FSTL5: variants seen among roughly 807,000 people sequenced by gnomAD.
The protein encoded by FSTL5 is follistatin like 5, also known as follistatin-related protein 5.
In FSTL5, 62 loss-of-function variants were observed where a neutral mutation model predicts 89.1. That is an observed-to-expected ratio of 0.70 (90% CI 0.57 to 0.86). FSTL5 has a LOEUF of 0.86. FSTL5 is among the 40% of genes least tolerant of loss of function. The pLI, the probability that FSTL5 is intolerant of heterozygous loss-of-function variation, is 0.00. For missense variants in FSTL5, 1,057 were observed against 1,001.6 expected, an observed-to-expected ratio of 1.06 and a Z score of -0.75; for synonymous variants, 383 against 346.2, an observed-to-expected ratio of 1.11 and a Z score of -1.18.
intron 6 of FSTL5, among the ~76,000 whole-genome samples, chr4:161,727,787 A>C (rs944967515): frequency 9.9e-5 from 15 of 152,222 alleles, no homozygotes; most frequent in Non-Finnish European, 2.2e-4. Flanking sequence ...ACAAATAAAA[A>C]GTGTAAATAT....
chr4:162,157,411 CTT>C (rs1212141248), intron 1 of FSTL5, among the ~76,000 whole-genome samples: 1 of 151,902 alleles, frequency 6.6e-6, no homozygotes, highest in Admixed American at 6.6e-5. Flanking sequence ...TCCAGCAGAC[CTT>C]TGTAAATACA....
chr4:161,677,884 T>A (rs1013135914), intron 6 of FSTL5, among the ~76,000 whole-genome samples: 2 of 151,920 alleles, frequency 1.3e-5, no homozygotes, highest in Admixed American at 6.6e-5. Context: ...AATTAATGCA[T>A]ATATCTATTA....
intron 15 of FSTL5, among the ~76,000 whole-genome samples, chr4:161,407,640 G>GCA (rs1307268914): frequency 8.2e-6 from 1 of 121,594 alleles, no homozygotes; most frequent in Non-Finnish European, 1.9e-5. Context: ...GTTGCAGCAG[G>GCA]CACAGAGCCA....
chr4:161,786,711 C>T (rs1741918108), intron 4 of FSTL5, among the ~76,000 whole-genome samples: 1 of 152,106 alleles, frequency 6.6e-6, no homozygotes, highest in Admixed American at 6.5e-5. Context: ...CATGTATCTA[C>T]CATTCTCTAC....
intron 4 of FSTL5, among the ~76,000 whole-genome samples, chr4:161,871,368 T>C (rs1337356729): frequency 6.6e-6 from 1 of 152,098 alleles, no homozygotes. Flanking sequence ...TGAGTCTGTT[T>C]TGTAGATAAA....
intron 6 of FSTL5, among the ~76,000 whole-genome samples, chr4:161,690,549 G>A (rs7698513): frequency 0.97 from 147,355 of 152,210 alleles, 71,457 homozygotes; most frequent in East Asian, 1. Flanking sequence ...AATTCTTTGT[G>A]TATTCTAGAC....
chr4:162,069,156 A>G (rs1729489771), intron 2 of FSTL5, among the ~76,000 whole-genome samples: 1 of 152,034 alleles, frequency 6.6e-6, no homozygotes, highest in Admixed American at 6.6e-5. Context: ...AAGACCTAGA[A>G]TCATTAGTCC....
Position 161,878,905 on chromosome 4 carries a change from A to G in FSTL5, c.409+41499T>C, listed in dbSNP as rs917900652. Among the ~76,000 whole-genome samples the G allele has an allele frequency of 3.3e-5, 5 of 152,326 alleles. No homozygotes were observed. In the South Asian group the frequency reaches 1.0e-3, roughly 32 times the overall value. ...ATGAATGTTATCATTCCCAGCTTACATATGATGCTACTGGGCTCAGAAATT... is the reference window on the plus strand; with the variant it reads ...ATGAATGTTATCATTCCCAGCTTACGTATGATGCTACTGGGCTCAGAAATT... On this transcript the variant is annotated intron_variant, in intron 4 of 15. Transcript: ENST00000306100.
At chr4:161,409,408 G>T (rs932515234) in intron 15 of FSTL5, among the ~76,000 whole-genome samples, 1 of 151,834 alleles carries the variant, frequency 6.6e-6, no homozygotes, top group African/African-American at 2.4e-5. Context: ...TTTTGAGATG[G>T]AGTCTTGCTC....
intron 10 of FSTL5, among the ~76,000 whole-genome samples, chr4:161,534,430 T>G (rs564661753): frequency 2.6e-5 from 4 of 152,060 alleles, no homozygotes; most frequent in Non-Finnish European, 5.9e-5. Context: ...TATATACCAA[T>G]TCCATTGTAG....
intron 2 of FSTL5, among the ~76,000 whole-genome samples, chr4:162,074,877 C>A (rs892713463): frequency 6.6e-6 from 1 of 151,738 alleles, no homozygotes; most frequent in Non-Finnish European, 1.5e-5. Context: ...GCCTAGCCCA[C>A]CTTAGATGTG....
intron 4 of FSTL5, among the ~76,000 whole-genome samples, chr4:161,796,943 T>C (rs1729649423): frequency 6.6e-6 from 1 of 151,618 alleles, no homozygotes; most frequent in African/African-American, 2.4e-5. Flanking sequence ...TTCTTCTCCA[T>C]CCATACTGCT....
intron 3 of FSTL5, 78 bp downstream of exon 3, chr4:162,033,547 T>C: frequency 6.8e-6 from 5 of 730,508 alleles, no homozygotes; most frequent in Non-Finnish European, 1.1e-5. Flanking sequence ...TGACTTTTTA[T>C]TCAAAGTAGC....
At chr4:162,096,070 A>C (rs1019616385) in intron 2 of FSTL5, among the ~76,000 whole-genome samples, 1 of 151,990 alleles carries the variant, frequency 6.6e-6, no homozygotes, top group Non-Finnish European at 1.5e-5. Context: ...TGGTCAGATA[A>C]GCTACATTTC....
intron 6 of FSTL5, chr4:161,664,950 A>C (rs1268278382): frequency 1.8e-5 from 3 of 171,268 alleles, no homozygotes; most frequent in African/African-American, 7.2e-5. Context: ...CATGAGACCT[A>C]TTCACTATCA....
At chr4:161,668,551 T>C (rs1335771134) in intron 6 of FSTL5, among the ~76,000 whole-genome samples, 2 of 152,054 alleles carry the variant, frequency 1.3e-5, no homozygotes, top group African/African-American at 2.4e-5. Context: ...AACCAGACAA[T>C]AGCATTACAA....
At chr4:161,764,382 C>T (rs1159037528) in intron 5 of FSTL5, among the ~76,000 whole-genome samples, 1 of 152,022 alleles carries the variant, frequency 6.6e-6, no homozygotes, top group African/African-American at 2.4e-5. Flanking sequence ...CCTCAGCCAC[C>T]CGAGTAGCTG....
chr4:161,646,502 G>A (rs1303892629), intron 7 of FSTL5, among the ~76,000 whole-genome samples: 1 of 151,816 alleles, frequency 6.6e-6, no homozygotes, highest in Non-Finnish European at 1.5e-5. Flanking sequence ...TCTCTATTAA[G>A]AATGTAATGA....
intron 3 of FSTL5, among the ~76,000 whole-genome samples, chr4:161,943,717 G>A (rs534199719): frequency 2.1e-4 from 32 of 151,146 alleles, no homozygotes; most frequent in Middle Eastern, 3.4e-3. Context: ...CACCATGCCC[G>A]GCTAATTTTT....
Sources: gnomAD v4.1 joint callset for allele counts (sites outside exome capture counted in the v4.1 genomes callset) on GRCh38, gnomAD v4.1.1 for gene constraint, MANE v1.5 for transcripts, NCBI Gene and HGNC (gene_info 2026-07-23, HGNC 2026-07-21) for gene names.